Variants in CDH26 observed in about 807,000 individuals in gnomAD.
The protein encoded by CDH26 is cadherin 26, also known as cadherin-like protein 26.
CDH26 carries 83 observed loss-of-function variants against 90.3 expected under a neutral mutation model. The observed-to-expected ratio is 0.92, with a 90% confidence interval of 0.77 to 1.10. The LOEUF (loss-of-function observed/expected upper bound fraction) is 1.10, where lower values mean the gene tolerates loss of function less well. Ranked by LOEUF, CDH26 falls within the 50% of genes least tolerant of loss-of-function variation. The pLI, the probability that CDH26 is intolerant of heterozygous loss-of-function variation, is 0.00. For synonymous variants in CDH26, 397 were observed against 396.3 expected, an observed-to-expected ratio of 1.00 and a Z score of -0.02; for missense variants, 1,013 against 1,037.6, an observed-to-expected ratio of 0.98 and a Z score of 0.33.
rs1263677429 is a variant in CDH26, at chr20:59,988,945, T to C, written c.1065T>C (p.Ile355=). The C allele has an allele frequency of 6.2e-6, 10 of 1,613,960 alleles. No individual in the cohort carries two copies. The highest frequency in any genetic ancestry group is 7.6e-6 in the Non-Finnish European group (9 of 1,180,026). Residue 355 remains isoleucine, a synonymous_variant, in exon 9 of 18, where the codon ATT becomes ATC. Transcript: ENST00000348616. ...CTCGCCCAGCGCAAAGCCTCATCAT[T>C]GTCGTGGAGAATGAGGAGAGGCTCG... ...YETRPAQSLI[I]VVENEERLVF... is the part of the protein sequence containing the mutation.
chr20:59,967,850 TTTC>T (rs2061175386), intron 1 of CDH26, among the ~76,000 whole-genome samples: 1 of 107,346 alleles, frequency 9.3e-6, no homozygotes, highest in Admixed American at 9.2e-5. Flanking sequence ...TCTTTCTTTC[TTTC>T]TTTCTTTCTT....
intron 9 of CDH26, among the ~76,000 whole-genome samples, chr20:59,991,940 C>T (rs1256354748): frequency 6.6e-6 from 1 of 152,128 alleles, no homozygotes; most frequent in Non-Finnish European, 1.5e-5. Flanking sequence ...AATAGGGTTA[C>T]CCAACTGTGA....
chr20:59,961,023 A>G (rs1346702639), intron 1 of CDH26, among the ~76,000 whole-genome samples: 1 of 152,212 alleles, frequency 6.6e-6, no homozygotes, highest in Non-Finnish European at 1.5e-5. Flanking sequence ...AGGTTTGGAG[A>G]ATTTTCTTGG....
chr20:60,030,744 G>T lies in CDH26; in HGVS notation c.948-487G>T, dbSNP rs561848328. ...AGTGGTTGGGGGCCACCAGATGTGG[G>T]AAGCATGGAAGTGAGCTGAGAGGGA... On this transcript the variant is annotated intron_variant, in intron 7 of 8. Coordinates refer to the CDH26 transcript ENST00000370991. The surrounding 1 kb of genome is among the most constrained non-coding windows in gnomAD (Gnocchi z 4.0). Among the ~76,000 whole-genome samples the T allele has an allele frequency of 6.6e-6, 1 of 152,194 alleles. No individual in the cohort carries two copies. Among genetic ancestry groups the T allele is most frequent in the Non-Finnish European group, 1.5e-5 (1 of 68,038 alleles).
At chr20:59,971,585 C>T (rs2145975100) in intron 3 of CDH26, among the ~76,000 whole-genome samples, 1 of 152,284 alleles carries the variant, frequency 6.6e-6, no homozygotes, top group Non-Finnish European at 1.5e-5. Flanking sequence ...GAAATGAGAT[C>T]ACACTTGGTG....
chr20:60,021,916 A>ATATATATATATATATATC lies in CDH26; in HGVS notation c.948-9314_948-9313insATATATATATATATATCT, dbSNP rs1261005381. 4.5e-3 allele frequency among the ~76,000 whole-genome samples: 429 copies of ATATATATATATATATATC among 95,718 alleles called. 26 individuals are homozygous for ATATATATATATATATATC. The highest frequency in any genetic ancestry group is 0.016 in the Middle Eastern group (3 of 190). 62.8% of individuals were successfully genotyped at this position (95,718 alleles called of 152,430 possible). On this transcript the variant is annotated intron_variant, in intron 7 of 8. Coordinates refer to the CDH26 transcript ENST00000370991. ...CACACACATATATATATATATATAT[A>ATATATATATATATATATC]TCCTGACTATTTTCATAGGCCTTTC...
At chr20:59,999,446 T>C (rs1330710393) in intron 13 of CDH26, 140 bp from the exon 14 acceptor site, 4 of 613,082 alleles carry the variant, frequency 6.5e-6, no homozygotes, top group Non-Finnish European at 1.1e-5. Flanking sequence ...AGGAGAGGTG[T>C]ATTTTTTACA....
intron 17 of CDH26, among the ~76,000 whole-genome samples, chr20:60,009,365 T>A (rs1313457205): frequency 6.6e-6 from 1 of 152,228 alleles, no homozygotes; most frequent in Non-Finnish European, 1.5e-5. Flanking sequence ...AGATCATGTC[T>A]CTACAGAAAA....
At chr20:60,017,185 G>A (rs1203093174), downstream of CDH26, among the ~76,000 whole-genome samples, 1 of 151,888 alleles carries the variant, frequency 6.6e-6, no homozygotes, top group Non-Finnish European at 1.5e-5. Context: ...GAGAAAAGTT[G>A]GTATTAATAC....
intron 9 of CDH26, among the ~76,000 whole-genome samples, chr20:59,990,354 G>C (rs908183269): frequency 6.6e-6 from 1 of 152,144 alleles, no homozygotes; most frequent in African/African-American, 2.4e-5. Context: ...ATGAGACCAT[G>C]ATCATGGGGA....
chr20:60,032,846 G>T (rs1317615132), intron 8 of CDH26, among the ~76,000 whole-genome samples: 10 of 127,922 alleles, frequency 7.8e-5, no homozygotes, highest in South Asian at 5.5e-4. Context: ...TGGGGACTGT[G>T]GTGGGGTGGG....
chr20:60,022,061 A>C (rs1367329353), intron 7 of CDH26, among the ~76,000 whole-genome samples: 1 of 151,692 alleles, frequency 6.6e-6, no homozygotes, highest in Non-Finnish European at 1.5e-5. Flanking sequence ...ATATATTATC[A>C]CCTTCCCCAA....
chr20:60,029,666 T>G (rs537864913), intron 7 of CDH26, among the ~76,000 whole-genome samples: 153 of 152,080 alleles, frequency 1.0e-3, no homozygotes, highest in Non-Finnish European at 1.7e-3. Context: ...CCCCAGTGTG[T>G]GATGTTCCCC....
At chr20:59,969,076 C>A in intron 2 of CDH26, 53 bp downstream of exon 2, 1 of 1,146,202 alleles carries the variant, frequency 8.7e-7, no homozygotes, top group Non-Finnish European at 1.3e-6. Context: ...CTACACTTGA[C>A]TTAGAGACAG....
chr20:59,975,417 CCAGAAGAACCA>C (rs1458523414), intron 4 of CDH26, among the ~76,000 whole-genome samples: 15 of 152,250 alleles, frequency 9.9e-5, no homozygotes, highest in African/African-American at 3.1e-4. Context: ...TTCGGAGCCT[CCAGAAGAACCA>C]ACCCTGCTGA....
chr20:59,966,052 T>C (rs371805299), intron 1 of CDH26, among the ~76,000 whole-genome samples: 7 of 152,118 alleles, frequency 4.6e-5, no homozygotes, highest in African/African-American at 1.7e-4. Flanking sequence ...ACAAGTTTTC[T>C]AAAATTCTGA....
At chr20:60,006,605 G>C in intron 16 of CDH26, 108 bp from the exon 17 acceptor site, 1 of 762,104 alleles carries the variant, frequency 1.3e-6, no homozygotes, top group Non-Finnish European at 2.3e-6. Context: ...ACCTCCAAGA[G>C]AACGGTGCTC....
At chr20:59,980,480 T>C (rs756107743) in intron 4 of CDH26, among the ~76,000 whole-genome samples, 3 of 152,084 alleles carry the variant, frequency 2.0e-5, no homozygotes, top group Non-Finnish European at 4.4e-5. Context: ...TTTTTTTTAG[T>C]AGACACTGGG....
At chr20:59,970,258 T>C in intron 3 of CDH26, 72 bp downstream of exon 3, 1 of 1,573,470 alleles carries the variant, frequency 6.4e-7, no homozygotes, top group African/African-American at 1.4e-5. Flanking sequence ...GCCAGGAAGA[T>C]TAAGTCTTGA....
Sources: gnomAD v4.1 joint callset for allele counts (sites outside exome capture counted in the v4.1 genomes callset) on GRCh38, gnomAD v4.1.1 for gene constraint, Gnocchi (gnomAD v3.1) non-coding constraint, MANE v1.5 for transcripts, NCBI Gene and HGNC (gene_info 2026-07-23, HGNC 2026-07-21) for gene names.